FARS2: variants seen among roughly 807,000 people sequenced by gnomAD.
The protein encoded by FARS2 is phenylalanyl-tRNA synthetase 2, mitochondrial.
Under a neutral mutation model 46.4 loss-of-function variants are expected in FARS2, and 40 were observed. That is an observed-to-expected ratio of 0.86 (90% confidence interval 0.67 to 1.12). The LOEUF is 1.12. Among genes scored for constraint, FARS2 ranks in the 50% most tolerant of loss-of-function variants. FARS2 has a pLI of 0.00. For missense variants in FARS2, 513 were observed against 567.9 expected (o/e 0.90, Z 0.98); for synonymous variants, 234 against 214.9 (o/e 1.09, Z -0.78).
At chr6:5,304,675 C>T (rs892054426) in intron 1 of FARS2, among the ~76,000 whole-genome samples, 4 of 151,976 alleles carry the variant, frequency 2.6e-5, no homozygotes, top group African/African-American at 7.3e-5. Flanking sequence ...AACTTGTTGG[C>T]GCGTTTGTGT....
chr6:5,770,598 C>T (rs982878205), intron 6 of FARS2, among the ~76,000 whole-genome samples: 9 of 152,188 alleles, frequency 5.9e-5, no homozygotes, highest in Admixed American at 3.3e-4. Flanking sequence ...GGGTCTTTCT[C>T]ATGAGATCAA....
At chr6:5,609,595 A>G in intron 5 of FARS2, 2 of 1,269,358 alleles carry the variant, frequency 1.6e-6, no homozygotes, top group African/African-American at 1.5e-5. Flanking sequence ...AAGTTTCCAG[A>G]ACCACTTCAC....
intron 4 of FARS2, among the ~76,000 whole-genome samples, chr6:5,492,102 T>C (rs779050774): frequency 7.2e-5 from 11 of 152,128 alleles, no homozygotes; most frequent in Non-Finnish European, 1.2e-4. Flanking sequence ...TGTGCATAGA[T>C]TTTAAAGCTG....
intron 1 of FARS2, among the ~76,000 whole-genome samples, chr6:5,303,067 A>T (rs1768435392): frequency 6.6e-6 from 1 of 152,212 alleles, no homozygotes. Flanking sequence ...CTTTTAGAGA[A>T]GGAAACCGAA....
chr6:5,448,065 A>C (rs1223255026), intron 4 of FARS2, among the ~76,000 whole-genome samples: 1 of 152,202 alleles, frequency 6.6e-6, no homozygotes, highest in Non-Finnish European at 1.5e-5. Context: ...AAAGATCCAG[A>C]ATGTTTATTT....
chr6:5,337,772 A>C (rs1234661268), intron 1 of FARS2, among the ~76,000 whole-genome samples: 3 of 152,178 alleles, frequency 2.0e-5, no homozygotes, highest in African/African-American at 7.2e-5. Flanking sequence ...GTCACATTCC[A>C]TTACTGCCTG....
intron 4 of FARS2, among the ~76,000 whole-genome samples, chr6:5,493,692 C>T (rs913893825): frequency 1.3e-5 from 2 of 152,126 alleles, no homozygotes; most frequent in Non-Finnish European, 2.9e-5. Flanking sequence ...TAGCTATTCA[C>T]GGAGTTGTTT....
At chr6:5,521,074 T>C (rs73356373) in intron 4 of FARS2, among the ~76,000 whole-genome samples, 16,882 of 152,240 alleles carry the variant, frequency 0.11, 998 homozygotes, top group Middle Eastern at 0.16. Flanking sequence ...TGCACACTTG[T>C]AGGAGTTCTT....
At chr6:5,645,819 T>A (rs1777048352) in intron 6 of FARS2, among the ~76,000 whole-genome samples, 1 of 152,240 alleles carries the variant, frequency 6.6e-6, no homozygotes, top group South Asian at 2.1e-4. Flanking sequence ...GGGCCTCATA[T>A]GTTTTCAGAG....
At chr6:5,271,319 G>A (rs1044404796) in intron 1 of FARS2, among the ~76,000 whole-genome samples, 14 of 152,070 alleles carry the variant, frequency 9.2e-5, no homozygotes, top group African/African-American at 3.1e-4. Context: ...AGTCCTCTCC[G>A]TTCATGTCAC....
At chr6:5,545,923 T>G (rs1770952259) in intron 5 of FARS2, among the ~76,000 whole-genome samples, 1 of 151,960 alleles carries the variant, frequency 6.6e-6, no homozygotes, top group Non-Finnish European at 1.5e-5. Context: ...AGGTCAAGAG[T>G]TCGAGACCAG....
chr6:5,621,945 A>G (rs1300444985), intron 6 of FARS2, among the ~76,000 whole-genome samples: 1 of 152,186 alleles, frequency 6.6e-6, no homozygotes, highest in Admixed American at 6.5e-5. Flanking sequence ...TACACACATT[A>G]ACATCTCTTC....
intron 5 of FARS2, among the ~76,000 whole-genome samples, chr6:5,607,431 A>G (rs1046793650): frequency 6.6e-6 from 1 of 152,058 alleles, no homozygotes; most frequent in African/African-American, 2.4e-5. Flanking sequence ...AAAAGGAGAA[A>G]ATTTATGAAA....
At chr6:5,410,965 T>G (rs1192237834) in intron 3 of FARS2, among the ~76,000 whole-genome samples, 1 of 152,176 alleles carries the variant, frequency 6.6e-6, no homozygotes, top group Non-Finnish European at 1.5e-5. Flanking sequence ...ACAGGGCTGG[T>G]AAGTATTTGA....
chr6:5,364,348 T>G (rs946286389), intron 1 of FARS2, among the ~76,000 whole-genome samples: 1 of 152,190 alleles, frequency 6.6e-6, no homozygotes, highest in Admixed American at 6.5e-5. Context: ...CAACCTAGGA[T>G]CAAACCAACA....
intron 3 of FARS2, among the ~76,000 whole-genome samples, chr6:5,424,605 T>G (rs1001105102): frequency 6.6e-6 from 1 of 152,198 alleles, no homozygotes; most frequent in African/African-American, 2.4e-5. Context: ...TTGTATTGGC[T>G]TAACATCTGG....
chr6:5,660,562 C>A (rs1409676642), intron 6 of FARS2, among the ~76,000 whole-genome samples: 1 of 151,588 alleles, frequency 6.6e-6, no homozygotes, highest in Non-Finnish European at 1.5e-5. Flanking sequence ...GTGGGGGGAT[C>A]CCCTGAGCCC....
At chr6:5,318,387 C>CAAAAAAAAAAAAAAAAAAAAAAACAAAA (rs753113504) in intron 1 of FARS2, among the ~76,000 whole-genome samples, 1 of 77,188 alleles carries the variant, frequency 1.3e-5, no homozygotes, top group Non-Finnish European at 2.6e-5. Flanking sequence ...AAAAAAAAAC[C>CAAAAAAAAAAAAAAAAAAAAAAACAAAA]AAAAAAAAAA....
intron 5 of FARS2, among the ~76,000 whole-genome samples, chr6:5,604,494 G>A (rs2150645369): frequency 6.6e-6 from 1 of 152,286 alleles, no homozygotes; most frequent in Non-Finnish European, 1.5e-5. Flanking sequence ...GGGCAGGGGA[G>A]GAGGTGGGCT....
Sources: allele counts gnomAD v4.1 joint callset (sites outside exome capture counted in the v4.1 genomes callset), GRCh38; gene constraint gnomAD v4.1.1; transcripts MANE v1.5; gene names NCBI Gene and HGNC (gene_info 2026-07-23, HGNC 2026-07-21).